The following USH2A variants were observed in gnomAD, a reference collection of about 807,000 sequenced individuals.
The protein encoded by USH2A is usherin, also known as Usher syndrome 2A (autosomal recessive, mild).
In USH2A, 443 loss-of-function variants were observed where a neutral mutation model predicts 538.9. The observed-to-expected ratio is 0.82, with a 90% confidence interval of 0.76 to 0.89. USH2A has a LOEUF of 0.89. Among genes scored for constraint, USH2A ranks in the 40% least tolerant of loss-of-function variants. The pLI is 0.00. For synonymous variants in USH2A, 2,413 were observed against 2,273.5 expected, an observed-to-expected ratio of 1.06 and a Z score of -1.75; for missense variants, 6,633 against 6,324.8, an observed-to-expected ratio of 1.05 and a Z score of -1.65.
At chr1:216,216,868 C>T (rs1004869412) in intron 15 of USH2A, among the ~76,000 whole-genome samples, 10 of 151,876 alleles carry the variant, frequency 6.6e-5, no homozygotes, top group South Asian at 2.1e-4. Flanking sequence ...GAATAATATG[C>T]GTGACGAATG....
intron 52 of USH2A, among the ~76,000 whole-genome samples, chr1:215,785,092 T>A (rs1295447648): frequency 6.6e-6 from 1 of 152,222 alleles, no homozygotes; most frequent in Non-Finnish European, 1.5e-5. Flanking sequence ...TTTGTTTGTA[T>A]AGTGTTCTAA....
At chr1:216,232,197 A>G (rs2035712118) in intron 13 of USH2A, 61 bp from the exon 14 acceptor site, 2 of 1,517,590 alleles carry the variant, frequency 1.3e-6, no homozygotes, top group Non-Finnish European at 1.8e-6. Flanking sequence ...TATTTAAAGC[A>G]TAATAATTGA....
intron 36 of USH2A, among the ~76,000 whole-genome samples, chr1:215,969,923 G>T (rs1021616368): frequency 6.6e-6 from 1 of 152,064 alleles, no homozygotes; most frequent in African/African-American, 2.4e-5. Context: ...CAAGAAAAAT[G>T]CACCAAAGTG....
chr1:216,293,187 G>A (rs2037039109), intron 9 of USH2A, among the ~76,000 whole-genome samples: 1 of 152,018 alleles, frequency 6.6e-6, no homozygotes, highest in Admixed American at 6.6e-5. Context: ...ACCACGCTTG[G>A]CTAATTTTTT....
chr1:216,232,251 A>G (rs1558332790), intron 13 of USH2A, 115 bp from the exon 14 acceptor site: 3 of 1,178,802 alleles, frequency 2.5e-6, no homozygotes, highest in Non-Finnish European at 2.4e-6. Context: ...CTAATTCCCA[A>G]TACAAATGTG....
chr1:215,625,981 T>A, intron 71 of USH2A, 111 bp from the exon 72 acceptor site: 1 of 1,072,886 alleles, frequency 9.3e-7, no homozygotes. Flanking sequence ...TAAAGGCTTT[T>A]TTATTCTCAA....
Position 215,798,970 on chromosome 1 carries a change from T to A in USH2A, c.9895A>T (p.Ile3299Phe), listed in dbSNP as rs1404573934. 1 of 1,614,134 alleles carries A rather than the reference T, an allele frequency of 6.2e-7. No individual in the cohort carries two copies. Among genetic ancestry groups the A allele is most frequent in the Non-Finnish European group, 8.5e-7 (1 of 1,180,002 alleles). The change falls in exon 50 of 72, where the codon ATT becomes TTT. Residue 3299 changes from isoleucine to phenylalanine, a missense_variant. Ile to Phe is a conservative substitution (Grantham distance 21, BLOSUM62 0). Coordinates refer to ENST00000307340, the MANE Select transcript of USH2A (RefSeq NM_206933.4). Reference sequence around the variant, plus strand: ...CAACACTCTAAATCGTTGCTCACAATCTGTCTGCCACAGCACTTCTGGCCA... The same window carrying A: ...CAACACTCTAAATCGTTGCTCACAAACTGTCTGCCACAGCACTTCTGGCCA... ...GHGQKCCGRQ[I>F]VSNDLECCGG...
At position 216,388,085 on chromosome 1, in the gene USH2A, A is replaced by G. The variant is rs79983528; in HGVS notation, c.652-23000T>C. ...GACTTGACTATATTCTGCCATGAAC[A>G]AGTTACATGGCTATTTAAAGTTATA... On this transcript the variant is annotated intron_variant, in intron 3 of 71. Coordinates refer to ENST00000307340, the MANE Select transcript of USH2A (RefSeq NM_206933.4). 5.0e-3 allele frequency among the ~76,000 whole-genome samples: 754 copies of G among 152,312 alleles called. 3 individuals are homozygous for G. Among genetic ancestry groups the G allele is most frequent in the African/African-American group, 0.017 (724 of 41,560 alleles).
intron 31 of USH2A, among the ~76,000 whole-genome samples, chr1:216,047,432 AAAAACAGTGCTATTACCAGT>A (rs1374954782): frequency 3.3e-5 from 5 of 152,174 alleles, no homozygotes; most frequent in Non-Finnish European, 7.4e-5. Context: ...ATGATACAAC[AAAAACAGTGCTATTACCAGT>A]AGACCAGATG....
intron 21 of USH2A, among the ~76,000 whole-genome samples, chr1:216,118,256 G>C (rs2033054877): frequency 6.6e-6 from 1 of 152,070 alleles, no homozygotes; most frequent in Non-Finnish European, 1.5e-5. Flanking sequence ...TCCGTCCACT[G>C]TATTTGTTCT....
intron 4 of USH2A, among the ~76,000 whole-genome samples, chr1:216,337,972 T>C (rs969551115): frequency 1.3e-5 from 2 of 151,290 alleles, no homozygotes; most frequent in Non-Finnish European, 3.0e-5. Context: ...TATTATAAGT[T>C]ATGAGTATTT....
At chr1:215,876,965 C>T (rs559875682) in intron 43 of USH2A, among the ~76,000 whole-genome samples, 6 of 152,076 alleles carry the variant, frequency 3.9e-5, no homozygotes, top group Non-Finnish European at 7.4e-5. Flanking sequence ...AAAATAATGA[C>T]CCACATAGAA....
chr1:215,960,566 C>G (rs995971355), intron 37 of USH2A, among the ~76,000 whole-genome samples: 2 of 152,042 alleles, frequency 1.3e-5, no homozygotes, highest in South Asian at 4.1e-4. Context: ...GTAAATGGCA[C>G]TTGCACACCC....
chr1:216,390,857 T>C, intron 3 of USH2A, among the ~76,000 whole-genome samples: 1 of 152,218 alleles, frequency 6.6e-6, no homozygotes, highest in East Asian at 1.9e-4. Flanking sequence ...AATTAATCAT[T>C]ACTCGTCAGA....
At chr1:216,040,841 A>G (rs190267655) in intron 32 of USH2A, among the ~76,000 whole-genome samples, 1 of 152,172 alleles carries the variant, frequency 6.6e-6, no homozygotes, top group African/African-American at 2.4e-5. Flanking sequence ...AAAATCTGTT[A>G]TGGGACAGAA....
intron 38 of USH2A, among the ~76,000 whole-genome samples, chr1:215,901,884 A>C (rs1270373379): frequency 6.6e-6 from 1 of 152,188 alleles, no homozygotes; most frequent in African/African-American, 2.4e-5. Flanking sequence ...TGCCTTTAGG[A>C]AAATGACCTA....
chr1:216,021,427 C>T (rs1481591865), intron 32 of USH2A, among the ~76,000 whole-genome samples: 2 of 152,194 alleles, frequency 1.3e-5, no homozygotes, highest in African/African-American at 4.8e-5. Flanking sequence ...TAAGACATCT[C>T]TTGCTCTTCT....
In USH2A at chr1:215,805,028, G is replaced by A. The variant is rs114087344; in HGVS notation, c.9740-5903C>T. The stretch of plus-strand genomic sequence containing the variant: ...AAACCGTCATTCTCGGCAAACTATC[G>A]CAAGGACAAAGAACCAAACACCGTA... On this transcript the variant is annotated intron_variant, in intron 49 of 71. Transcript: ENST00000307340. 4.8e-3 allele frequency among the ~76,000 whole-genome samples: 737 copies of A among 151,966 alleles called. 3 individuals are homozygous for A. Among genetic ancestry groups the A allele is most frequent in the Middle Eastern group, 0.01 (3 of 294 alleles).
At chr1:215,685,434 T>G (rs987783637) in intron 61 of USH2A, among the ~76,000 whole-genome samples, 7 of 151,262 alleles carry the variant, frequency 4.6e-5, no homozygotes, top group Non-Finnish European at 1.0e-4. Flanking sequence ...CTCAGCTCAC[T>G]GCAACTTCCG....
Sources: allele counts gnomAD v4.1 joint callset (sites outside exome capture counted in the v4.1 genomes callset), GRCh38; gene constraint gnomAD v4.1.1; transcripts MANE v1.5; gene names NCBI Gene and HGNC (gene_info 2026-07-23, HGNC 2026-07-21).